The following GMPR variants were observed in gnomAD, a reference collection of about 807,000 sequenced individuals.
GMPR encodes the protein guanosine monophosphate reductase, also known as GMP reductase 1.
A neutral mutation model predicts 38.4 loss-of-function variants in GMPR; 31 were observed. The ratio of observed to expected loss-of-function variants is 0.81; its 90% CI spans 0.61 to 1.09. The LOEUF (loss-of-function observed/expected upper bound fraction) is 1.09, where lower values mean the gene tolerates loss of function less well. GMPR is among the 50% of genes least tolerant of loss of function. GMPR has a pLI of 0.00. For missense variants in GMPR, 468 were observed against 453.7 expected (o/e 1.03, Z -0.29); for synonymous variants, 162 against 173.3 (o/e 0.93, Z 0.51).
At chr6:16,286,513 G>A (rs1258519489) in intron 7 of GMPR, among the ~76,000 whole-genome samples, 1 of 151,748 alleles carries the variant, frequency 6.6e-6, no homozygotes. Context: ...AGGCAGAAAC[G>A]AAGCTCCCAT....
At chr6:16,279,698 C>T (rs896739560) in intron 6 of GMPR, among the ~76,000 whole-genome samples, 1 of 152,170 alleles carries the variant, frequency 6.6e-6, no homozygotes, top group Non-Finnish European at 1.5e-5. Flanking sequence ...TCAGTCACTG[C>T]ATCTGGGGCG....
At position 16,285,855 on chromosome 6, in the gene GMPR, C is replaced by T; in HGVS notation, c.697+20C>T. 6.3e-7 allele frequency: 1 copy of T among 1,596,874 alleles called. No individual in the cohort carries two copies. Among genetic ancestry groups the T allele is most frequent in the Non-Finnish European group, 8.6e-7 (1 of 1,169,128 alleles). Reference sequence around the variant, plus strand: ...CCTTTGGTAAGGCCGGGCCCTGGTGCAGAGGGAGGGAAGGAAGGAAGGAGG... The same window carrying T: ...CCTTTGGTAAGGCCGGGCCCTGGTGTAGAGGGAGGGAAGGAAGGAAGGAGG... On this transcript the variant is annotated intron_variant, in intron 7 of 8. Transcript: ENST00000259727.
chr6:16,238,656 C>T lies in GMPR; in HGVS notation c.-38C>T, dbSNP rs1224448631. ...GCCGCCCCGCGCAGGCGCCCCCGCC[C>T]CGCCGTCGCCGCCGCCGCAGCCAGG... On this transcript the variant is annotated 5_prime_UTR_variant, in exon 1 of 9. Transcript: ENST00000259727. 1.7e-5 allele frequency: 19 copies of T among 1,091,430 alleles called. No individual in the cohort carries two copies. The highest frequency in any genetic ancestry group is 2.2e-5 in the Non-Finnish European group (19 of 844,748). 67.6% of individuals were successfully genotyped at this position (1,091,430 alleles called of 1,614,324 possible). A position where few individuals can be genotyped will look rare whatever the true frequency, so the allele number is the denominator to read the frequency against.
chr6:16,279,257 G>C (rs906838732), intron 6 of GMPR, among the ~76,000 whole-genome samples: 11 of 152,188 alleles, frequency 7.2e-5, no homozygotes, highest in African/African-American at 2.7e-4. Flanking sequence ...CAACATCAGG[G>C]TGTTGGGGGG....
At chr6:16,293,436 G>A (rs943780802) in intron 8 of GMPR, among the ~76,000 whole-genome samples, 2 of 152,188 alleles carry the variant, frequency 1.3e-5, no homozygotes, top group African/African-American at 4.8e-5. Context: ...CTGAGCTTGG[G>A]GCTCTAAACC....
chr6:16,289,266 A>T (rs1043183772), intron 7 of GMPR, among the ~76,000 whole-genome samples: 1 of 152,168 alleles, frequency 6.6e-6, no homozygotes, highest in Non-Finnish European at 1.5e-5. Flanking sequence ...GTGAGAGTCT[A>T]TGGCTTCATT....
intron 6 of GMPR, 38 bp from the exon 7 acceptor site, chr6:16,285,755 G>C: frequency 6.3e-7 from 1 of 1,589,106 alleles, no homozygotes; most frequent in Non-Finnish European, 8.6e-7. Context: ...CTGAGCTCCC[G>C]CTGATGATGT....
Position 16,266,069 on chromosome 6 carries a change from C to G in GMPR, c.466-8346C>G, listed in dbSNP as rs564326573. Among the ~76,000 whole-genome samples the G allele has an allele frequency of 1.7e-3, 262 of 151,746 alleles. 2 individuals are homozygous for G. Among genetic ancestry groups the G allele is most frequent in the African/African-American group, 6.0e-3 (247 of 41,292 alleles). ...CCACGAACCCAGTGGGAGGAATGAA[C>G]AACTCCCGACGGGCTACCTTTAAGA... On this transcript the variant is annotated intron_variant, in intron 4 of 8. Coordinates refer to ENST00000259727, the MANE Select transcript of GMPR (RefSeq NM_006877.4).
intron 1 of GMPR, among the ~76,000 whole-genome samples, chr6:16,246,048 A>G (rs922960514): frequency 4.6e-5 from 7 of 152,334 alleles, no homozygotes; most frequent in Non-Finnish European, 8.8e-5. Context: ...CTGGGATAAG[A>G]GCAGGCTGAG....
rs765475058 is a variant in GMPR, at chr6:16,290,550, G to T, written c.786G>T (p.Lys262Asn). 3.1e-6 allele frequency: 5 copies of T among 1,614,132 alleles called. No individual in the cohort carries two copies. The highest frequency in any genetic ancestry group is 4.2e-6 in the Non-Finnish European group (5 of 1,179,964). Reference protein sequence around the residue: ...AGEVFERNGRKLKLFYGMSSD... With the variant: ...AGEVFERNGRNLKLFYGMSSD... ...AAGTGTTTGAGAGGAACGGACGGAA[G>T]CTCAAGCTCTTCTACGGGATGAGCT... The change falls in exon 8 of 9, where the codon AAG becomes AAT. Residue 262 changes from lysine (K) to asparagine (N), a missense_variant. Lys to Asn is a moderately conservative substitution (Grantham distance 94). Coordinates refer to ENST00000259727, the MANE Select transcript of GMPR (RefSeq NM_006877.4).
intron 4 of GMPR, among the ~76,000 whole-genome samples, chr6:16,256,731 G>C (rs1324640403): frequency 6.6e-6 from 1 of 152,146 alleles, no homozygotes; most frequent in Non-Finnish European, 1.5e-5. Flanking sequence ...CTTGGTTCTT[G>C]AGACAGAACT....
At chr6:16,246,378 G>A (rs554658364) in intron 1 of GMPR, among the ~76,000 whole-genome samples, 28 of 152,288 alleles carry the variant, frequency 1.8e-4, no homozygotes, top group African/African-American at 6.3e-4. Flanking sequence ...TAAAGCAGCC[G>A]TGGAGGGTAA....
intron 1 of GMPR, among the ~76,000 whole-genome samples, chr6:16,244,049 G>T (rs138704291): frequency 8.5e-5 from 13 of 152,174 alleles, no homozygotes; most frequent in African/African-American, 3.1e-4. Flanking sequence ...GGCCAGGGCC[G>T]GCTCCCCGCT....
intron 6 of GMPR, among the ~76,000 whole-genome samples, chr6:16,281,699 A>ATG (rs1759577780): frequency 6.6e-6 from 1 of 151,398 alleles, no homozygotes; most frequent in African/African-American, 2.4e-5. Context: ...TAGTAGAGGC[A>ATG]GGGTTTCACC....
chr6:16,277,396 T>C (rs981851405), intron 5 of GMPR, among the ~76,000 whole-genome samples: 20 of 152,140 alleles, frequency 1.3e-4, no homozygotes, highest in African/African-American at 4.8e-4. Flanking sequence ...GAGATTAGGC[T>C]GCGCCTCAAA....
At chr6:16,248,982 C>G (rs973755669) in intron 2 of GMPR, among the ~76,000 whole-genome samples, 3 of 152,036 alleles carry the variant, frequency 2.0e-5, no homozygotes, top group African/African-American at 4.8e-5. Context: ...ATCCATAGAA[C>G]TAGCACAAGT....
At chr6:16,268,889 AATAAAT>A (rs1449711286) in intron 4 of GMPR, among the ~76,000 whole-genome samples, 2 of 151,134 alleles carry the variant, frequency 1.3e-5, no homozygotes, top group Non-Finnish European at 2.9e-5. Flanking sequence ...ATAAATTTAA[AATAAAT>A]ATGAATTATT....
chr6:16,292,030 C>A (rs868286596), intron 8 of GMPR, among the ~76,000 whole-genome samples: 2 of 152,150 alleles, frequency 1.3e-5, no homozygotes, highest in Non-Finnish European at 2.9e-5. Context: ...GGTACAGGAG[C>A]AAAGGTTCTC....
intron 4 of GMPR, among the ~76,000 whole-genome samples, chr6:16,268,822 C>A (rs772470309): frequency 1.6e-4 from 25 of 151,964 alleles, no homozygotes; most frequent in Non-Finnish European, 2.9e-4. Flanking sequence ...TGTGAATGTA[C>A]TCAATGCCAC....
Sources: allele counts gnomAD v4.1 joint callset (sites outside exome capture counted in the v4.1 genomes callset), GRCh38; gene constraint gnomAD v4.1.1; transcripts MANE v1.5; gene names NCBI Gene and HGNC (gene_info 2026-07-23, HGNC 2026-07-21).